The following COL25A1 variants were observed in gnomAD, a reference collection of about 807,000 sequenced individuals.
COL25A1 encodes collagen alpha-1(XXV) chain.
A neutral mutation model predicts 128.4 loss-of-function variants in COL25A1; 103 were observed. That is an observed-to-expected ratio of 0.80 (90% CI 0.68 to 0.94). The LOEUF (loss-of-function observed/expected upper bound fraction) is 0.94, where lower values mean the gene tolerates loss of function less well. Among genes scored for constraint, COL25A1 ranks in the 40% least tolerant of loss-of-function variants. The pLI is 0.00. For synonymous variants in COL25A1, 279 were observed against 277.2 expected, an observed-to-expected ratio of 1.01 and a Z score of -0.06; for missense variants, 745 against 840.0, an observed-to-expected ratio of 0.89 and a Z score of 1.40.
intron 13 of COL25A1, among the ~76,000 whole-genome samples, chr4:108,911,957 C>T (rs368997048): frequency 1.3e-5 from 2 of 152,076 alleles, no homozygotes; most frequent in East Asian, 3.9e-4. Flanking sequence ...TTTATAGTAA[C>T]ATGCCTAAAT....
chr4:109,203,869 T>C (rs1169525567), intron 3 of COL25A1, among the ~76,000 whole-genome samples: 1 of 152,178 alleles, frequency 6.6e-6, no homozygotes, highest in Non-Finnish European at 1.5e-5. Flanking sequence ...TATTTTATTA[T>C]GATTAAATAG....
chr4:108,899,073 A>G (rs1044728293), intron 15 of COL25A1, 81 bp downstream of exon 15: 1 of 1,374,598 alleles, frequency 7.3e-7, no homozygotes, highest in Non-Finnish European at 1.0e-6. Context: ...CCATTCATGC[A>G]TATAGTTTAG....
chr4:108,926,038 T>C (rs1560874604), intron 11 of COL25A1, among the ~76,000 whole-genome samples: 3 of 152,214 alleles, frequency 2.0e-5, no homozygotes, highest in Admixed American at 6.6e-5. Context: ...TTGGCTGTAC[T>C]TTCCAGTTTG....
chr4:108,858,789 AAAAT>A (rs1294333918), intron 24 of COL25A1, among the ~76,000 whole-genome samples: 1 of 152,180 alleles, frequency 6.6e-6, no homozygotes, highest in Non-Finnish European at 1.5e-5. Context: ...TAGAAACACC[AAAAT>A]AAAGGTGATA....
intron 3 of COL25A1, among the ~76,000 whole-genome samples, chr4:109,089,384 T>A (rs1427026070): frequency 6.6e-6 from 1 of 152,204 alleles, no homozygotes; most frequent in Admixed American, 6.5e-5. Context: ...AGCTCCTGTA[T>A]TTAATAAATA....
At chr4:109,155,475 C>A (rs1410202626) in intron 3 of COL25A1, among the ~76,000 whole-genome samples, 2 of 152,142 alleles carry the variant, frequency 1.3e-5, no homozygotes. Flanking sequence ...TTTATAAAAG[C>A]TCCCTGTTTC....
intron 3 of COL25A1, among the ~76,000 whole-genome samples, chr4:109,295,238 T>C (rs964597223): frequency 6.6e-6 from 1 of 152,238 alleles, no homozygotes; most frequent in South Asian, 2.1e-4. Context: ...AGAACATTGC[T>C]TCAAGAGGCA....
chr4:108,892,905 G>A (rs1265872864), intron 16 of COL25A1, among the ~76,000 whole-genome samples: 1 of 152,174 alleles, frequency 6.6e-6, no homozygotes, highest in Non-Finnish European at 1.5e-5. Flanking sequence ...TAGAGAAGTG[G>A]TGATGAGGAG....
intron 5 of COL25A1, among the ~76,000 whole-genome samples, chr4:109,013,481 C>T (rs560118069): frequency 0.036 from 2,021 of 56,498 alleles, 48 homozygotes; most frequent in African/African-American, 0.22. Context: ...CTCGAGTCCC[C>T]TTCCACACTG....
At chr4:108,899,514 A>C (rs1268201873) in intron 14 of COL25A1, among the ~76,000 whole-genome samples, 1 of 152,122 alleles carries the variant, frequency 6.6e-6, no homozygotes, top group Non-Finnish European at 1.5e-5. Flanking sequence ...CTTAGCCTAC[A>C]ATTTTTCATT....
At chr4:108,930,842 C>T (rs1168236722) in intron 11 of COL25A1, among the ~76,000 whole-genome samples, 2 of 152,196 alleles carry the variant, frequency 1.3e-5, no homozygotes, top group East Asian at 1.9e-4. Context: ...TATTTAGACA[C>T]TTTGTATAAG....
At chr4:108,974,592 T>TA (rs755041027) in intron 6 of COL25A1, 33 bp from the exon 7 acceptor site, 9 of 1,540,768 alleles carry the variant, frequency 5.8e-6, no homozygotes, top group Non-Finnish European at 6.2e-6. Flanking sequence ...AAATTTTAAT[T>TA]AAAAAAAGAT....
intron 3 of COL25A1, among the ~76,000 whole-genome samples, chr4:109,162,250 G>A (rs1772649957): frequency 6.6e-6 from 1 of 152,130 alleles, no homozygotes; most frequent in African/African-American, 2.4e-5. Context: ...GAGGCATAGG[G>A]CATTTTTGGT....
chr4:109,053,040 A>G (rs1761130784), intron 3 of COL25A1, among the ~76,000 whole-genome samples: 1 of 152,174 alleles, frequency 6.6e-6, no homozygotes, highest in Non-Finnish European at 1.5e-5. Context: ...AACTGGTTCA[A>G]GAAAATGAAT....
At chr4:108,851,559 T>C (rs12642704) in intron 26 of COL25A1, among the ~76,000 whole-genome samples, 93,468 of 151,988 alleles carry the variant, frequency 0.61, 30,064 homozygotes, top group South Asian at 0.76. Flanking sequence ...TTTCAACACA[T>C]GTAGCTCAGT....
At chr4:109,152,062 A>G (rs1771552592) in intron 3 of COL25A1, among the ~76,000 whole-genome samples, 1 of 151,378 alleles carries the variant, frequency 6.6e-6, no homozygotes, top group Non-Finnish European at 1.5e-5. Flanking sequence ...TTATATGAAC[A>G]GTTAATTTTC....
intron 5 of COL25A1, among the ~76,000 whole-genome samples, chr4:109,043,560 A>G (rs1760135404): frequency 6.8e-6 from 1 of 147,370 alleles, no homozygotes; most frequent in Admixed American, 6.9e-5. Flanking sequence ...AGGGCTTGAT[A>G]GACTGATACA....
In COL25A1 at chr4:108,811,926, A is replaced by G. The variant is rs1160893182; in HGVS notation, c.*2001T>C. The G allele has an allele frequency of 6.6e-6, 1 of 152,228 alleles. No individual in the cohort carries two copies. Among genetic ancestry groups the G allele is most frequent in the Non-Finnish European group, 1.5e-5 (1 of 68,024 alleles). The allele number at this position is 152,228 out of a possible 1,614,324, so 9.4% of individuals were successfully genotyped here. A position where few individuals can be genotyped will look rare whatever the true frequency, so the allele number is the denominator to read the frequency against. On this transcript the variant is annotated 3_prime_UTR_variant, in exon 38 of 38. Coordinates refer to ENST00000399132, the MANE Select transcript of COL25A1 (RefSeq NM_198721.4). ...ATTTTAGGTTCCTTGTCTTATGGTT[A>G]TATCTTAACTATAAGCCAAGGATGA...
chr4:109,260,668 G>T (rs572834514), intron 3 of COL25A1, among the ~76,000 whole-genome samples: 176 of 152,178 alleles, frequency 1.2e-3, no homozygotes, highest in African/African-American at 4.1e-3. Flanking sequence ...GCTAATTTTT[G>T]TATTTTTAGT....
Sources: gnomAD v4.1 joint callset for allele counts (sites outside exome capture counted in the v4.1 genomes callset) on GRCh38, gnomAD v4.1.1 for gene constraint, MANE v1.5 for transcripts, NCBI Gene and HGNC (gene_info 2026-07-23, HGNC 2026-07-21) for gene names.